PTPRM: variants seen among roughly 807,000 people sequenced by gnomAD.
PTPRM encodes receptor-type tyrosine-protein phosphatase mu.
A neutral mutation model predicts 186.7 loss-of-function variants in PTPRM; 47 were observed. The ratio of observed to expected loss-of-function variants is 0.25; its 90% CI spans 0.20 to 0.32. The LOEUF is 0.32. PTPRM is among the 10% of genes least tolerant of loss of function. The pLI is 1.00. For synonymous variants in PTPRM, 668 were observed against 674.9 expected, an observed-to-expected ratio of 0.99 and a Z score of 0.16; for missense variants, 1,494 against 1,865.0, an observed-to-expected ratio of 0.80 and a Z score of 3.66.
chr18:8,253,185 C>A (rs761775275), intron 18 of PTPRM, 42 bp from the exon 19 acceptor site: 15 of 1,347,802 alleles, frequency 1.1e-5, no homozygotes, highest in African/African-American at 1.5e-5. Context: ...CGACCTAGCT[C>A]CCTGGCTCTC....
At chr18:7,587,577 C>T (rs1039371736) in intron 1 of PTPRM, among the ~76,000 whole-genome samples, 1 of 152,088 alleles carries the variant, frequency 6.6e-6, no homozygotes, top group Non-Finnish European at 1.5e-5. Context: ...GACCAAGAGG[C>T]TTTGCAAAGA....
At chr18:8,334,886 C>G (rs1255327839) in intron 22 of PTPRM, among the ~76,000 whole-genome samples, 1 of 152,132 alleles carries the variant, frequency 6.6e-6, no homozygotes, top group Non-Finnish European at 1.5e-5. Flanking sequence ...GTACCTTGCT[C>G]CTCCTGTTCC....
chr18:8,365,395 CTAAG>C (rs2095622451), intron 23 of PTPRM, among the ~76,000 whole-genome samples: 1 of 152,224 alleles, frequency 6.6e-6, no homozygotes, highest in Non-Finnish European at 1.5e-5. Flanking sequence ...CTTCCATCCA[CTAAG>C]TGAGGCCACA....
chr18:8,240,647 GAGAGAGAA>G (rs1568583834), intron 14 of PTPRM, among the ~76,000 whole-genome samples: 5 of 37,242 alleles, frequency 1.3e-4, no homozygotes, highest in South Asian at 1.1e-3. Flanking sequence ...GAGAGAGAGA[GAGAGAGAA>G]AGAAAGAAAG....
At chr18:7,847,346 TG>T (rs1353201460) in intron 2 of PTPRM, among the ~76,000 whole-genome samples, 2 of 152,026 alleles carry the variant, frequency 1.3e-5, no homozygotes, top group Non-Finnish European at 2.9e-5. Context: ...TTTGTATTTT[TG>T]GTAGAGACAG....
chr18:7,851,580 A>C (rs2046860223), intron 2 of PTPRM, among the ~76,000 whole-genome samples: 2 of 152,310 alleles, frequency 1.3e-5, no homozygotes, highest in Non-Finnish European at 2.9e-5. Context: ...CCACCAACCC[A>C]GAATTCTACT....
chr18:8,022,872 G>A (rs563720644), intron 7 of PTPRM, among the ~76,000 whole-genome samples: 30 of 152,276 alleles, frequency 2.0e-4, no homozygotes, highest in Admixed American at 2.6e-4. Context: ...AAAATGTTTG[G>A]CAAACATTTG....
rs552449365 is a variant in PTPRM, at chr18:7,647,854, G to A, written c.73+79963G>A. Among the ~76,000 whole-genome samples the A allele has an allele frequency of 8.5e-5, 13 of 152,298 alleles. No homozygotes were observed. The South Asian group carries it at 2.7e-3, about 32-fold the overall frequency. ...AAGTTGGGGTCGGGCCTAATAATTTGCATTTTTAATGTATTCTCAGGTGAT... is the reference window on the plus strand; with the variant it reads ...AAGTTGGGGTCGGGCCTAATAATTTACATTTTTAATGTATTCTCAGGTGAT... On this transcript the variant is annotated intron_variant, in intron 1 of 32. Coordinates refer to ENST00000580170, the MANE Select transcript of PTPRM (RefSeq NM_001105244.2).
intron 2 of PTPRM, among the ~76,000 whole-genome samples, chr18:7,782,876 T>A (rs976454910): frequency 6.6e-6 from 1 of 152,236 alleles, no homozygotes; most frequent in Non-Finnish European, 1.5e-5. Flanking sequence ...TTCAGTAGTT[T>A]ATATTTAACA....
chr18:7,586,692 A>G (rs1198915069), intron 1 of PTPRM, among the ~76,000 whole-genome samples: 2 of 152,220 alleles, frequency 1.3e-5, no homozygotes, highest in Non-Finnish European at 1.5e-5. Context: ...ACATTTAAAA[A>G]CAGAATTTTT....
chr18:7,782,566 C>G (rs1325612156), intron 2 of PTPRM, among the ~76,000 whole-genome samples: 1 of 152,144 alleles, frequency 6.6e-6, no homozygotes, highest in Non-Finnish European at 1.5e-5. Context: ...CCAACTGAAA[C>G]TCTGTACCTA....
rs374669722 is a variant in PTPRM, at chr18:8,113,755, A to G, written c.2126A>G (p.Asn709Ser). ...TATTTCCAAGCTGCTAGTAGAGCCA[A>G]TGGGGTAAGTTGTACAGATAACTGT... ...RIYFQAASRANGETKIDCVQV... is the reference protein window; with the variant it reads ...RIYFQAASRASGETKIDCVQV... The change falls in exon 12 of 33, where the codon AAT (asparagine) becomes AGT (serine). Residue 709 changes from asparagine to serine, a missense_variant. By Grantham distance (46) the Asn-to-Ser change is conservative. Transcript: ENST00000580170. 15 of 1,612,590 alleles carry G rather than the reference A, an allele frequency of 9.3e-6. No homozygotes were observed. Among genetic ancestry groups the G allele is most frequent in the East Asian group, 4.5e-5 (2 of 44,878 alleles).
At chr18:7,792,961 A>T (rs1281514600) in intron 2 of PTPRM, among the ~76,000 whole-genome samples, 1 of 152,136 alleles carries the variant, frequency 6.6e-6, no homozygotes, top group Non-Finnish European at 1.5e-5. Context: ...TAGTGAAATA[A>T]TTTTTTTAAA....
chr18:7,707,228 G>A (rs2040113328), intron 1 of PTPRM, among the ~76,000 whole-genome samples: 2 of 152,056 alleles, frequency 1.3e-5, no homozygotes, highest in African/African-American at 2.4e-5. Flanking sequence ...AGGGAGAAAA[G>A]TGTTTCATTA....
intron 1 of PTPRM, among the ~76,000 whole-genome samples, chr18:7,648,106 G>A (rs1409008948): frequency 2.0e-5 from 3 of 152,086 alleles, no homozygotes; most frequent in African/African-American, 7.2e-5. Flanking sequence ...AATTCTCACA[G>A]TATTTTAAAC....
intron 13 of PTPRM, among the ~76,000 whole-genome samples, chr18:8,131,127 C>A (rs1380140121): frequency 6.6e-6 from 1 of 152,178 alleles, no homozygotes; most frequent in East Asian, 1.9e-4. Context: ...GTTGACACTG[C>A]AGCTCTTCAG....
chr18:8,288,111 ACC>A, intron 19 of PTPRM, among the ~76,000 whole-genome samples: 1 of 152,278 alleles, frequency 6.6e-6, no homozygotes, highest in South Asian at 2.1e-4. Context: ...ACACATAGAA[ACC>A]CTTTGGTCCA....
intron 1 of PTPRM, among the ~76,000 whole-genome samples, chr18:7,667,608 T>C (rs1429830858): frequency 1.3e-5 from 2 of 152,250 alleles, no homozygotes; most frequent in Non-Finnish European, 2.9e-5. Context: ...GAGTTTGGCT[T>C]TTTAGAACTT....
chr18:7,632,154 A>C (rs1326250615), intron 1 of PTPRM, among the ~76,000 whole-genome samples: 1 of 152,178 alleles, frequency 6.6e-6, no homozygotes, highest in Non-Finnish European at 1.5e-5. Context: ...TCAGAGGCCA[A>C]TTGTCATGAA....
Sources: gnomAD v4.1 joint callset for allele counts (sites outside exome capture counted in the v4.1 genomes callset) on GRCh38, gnomAD v4.1.1 for gene constraint, MANE v1.5 for transcripts, NCBI Gene and HGNC (gene_info 2026-07-23, HGNC 2026-07-21) for gene names.